Variants in NR2C2 observed in about 807,000 individuals in gnomAD.
The protein encoded by NR2C2 is nuclear receptor subfamily 2 group C member 2.
A neutral mutation model predicts 62.9 loss-of-function variants in NR2C2; 6 were observed. The ratio of observed to expected loss-of-function variants is 0.10; its 90% confidence interval spans 0.05 to 0.19. The LOEUF is 0.19. Ranked by LOEUF, NR2C2 falls within the 10% of genes least tolerant of loss-of-function variation. NR2C2 has a pLI of 1.00. For synonymous variants in NR2C2, 272 were observed against 273.8 expected, an observed-to-expected ratio of 0.99 and a Z score of 0.07; for missense variants, 479 against 762.7, an observed-to-expected ratio of 0.63 and a Z score of 4.38.
chr3:15,016,500 G>A (rs1211130541), intron 4 of NR2C2, among the ~76,000 whole-genome samples: 1 of 152,192 alleles, frequency 6.6e-6, no homozygotes, highest in Non-Finnish European at 1.5e-5. Context: ...TGAGTGTGTA[G>A]TATTTATGTG....
Position 15,047,829 on chromosome 3 carries a change from CTCCTT to C in NR2C2, c.*4824_*4828del, listed in dbSNP as rs2042509275. The C allele has an allele frequency of 6.6e-6, 1 of 152,202 alleles. No individual in the cohort carries two copies. The highest frequency in any genetic ancestry group is 1.5e-5 in the Non-Finnish European group (1 of 68,044). The allele number at this position is 152,202 out of a possible 1,614,324, so 9.4% of individuals were successfully genotyped here. A position where few individuals can be genotyped will look rare whatever the true frequency, so the allele number is the denominator to read the frequency against. On this transcript the variant is annotated 3_prime_UTR_variant, in exon 14 of 14. Transcript: ENST00000425241. ...ACTGTAAGCATGTAAATGACTTTAACTCCTTTCTATAAGTTATGATTTTAAATTTT... is the reference window on the plus strand; with the variant it reads ...ACTGTAAGCATGTAAATGACTTTAACTCTATAAGTTATGATTTTAAATTTT...
Position 15,003,829 on chromosome 3 carries a change from G to T in NR2C2, c.-39-47G>T, listed in dbSNP as rs2041089431. 3.1e-6 allele frequency: 4 copies of T among 1,286,222 alleles called. No homozygotes were observed. In the Admixed American group the frequency reaches 6.8e-5, roughly 22 times the overall value. 79.7% of individuals were successfully genotyped at this position (1,286,222 alleles called of 1,614,324 possible). On this transcript the variant is annotated intron_variant, in intron 1 of 13. Transcript: ENST00000425241. ...GGCGTGGTCTTCAGGCCACCTCTGG[G>T]CATCATTCTGAACCCCCTTGTGATC...
chr3:15,022,471 C>T (rs2041699460), intron 5 of NR2C2, among the ~76,000 whole-genome samples: 1 of 131,572 alleles, frequency 7.6e-6, no homozygotes, highest in Non-Finnish European at 1.5e-5. Context: ...GGTGCCGCGT[C>T]TTGGCTCACT....
intron 1 of NR2C2, among the ~76,000 whole-genome samples, chr3:14,963,901 A>G (rs776313172): frequency 3.9e-5 from 6 of 152,176 alleles, no homozygotes; most frequent in Admixed American, 1.3e-4. Context: ...AAATGCAACA[A>G]TGTAACTAGT....
chr3:14,994,049 A>C (rs1390767495), intron 1 of NR2C2, among the ~76,000 whole-genome samples: 1 of 152,198 alleles, frequency 6.6e-6, no homozygotes, highest in East Asian at 1.9e-4. Context: ...GGCACAGAGT[A>C]AGTGCTTACC....
chr3:14,973,397 TA>T (rs201377726), intron 1 of NR2C2, among the ~76,000 whole-genome samples: 22 of 150,208 alleles, frequency 1.5e-4, no homozygotes, highest in South Asian at 1.3e-3. Flanking sequence ...CAGGCTAATT[TA>T]AAAAAAAAAA....
At chr3:14,973,015 TG>T (rs1412628841) in intron 1 of NR2C2, among the ~76,000 whole-genome samples, 5 of 152,154 alleles carry the variant, frequency 3.3e-5, no homozygotes, top group Admixed American at 3.3e-4. Context: ...TGAGATTGGT[TG>T]GGGGAACAGA....
intron 1 of NR2C2, among the ~76,000 whole-genome samples, chr3:14,991,945 A>T (rs1468746360): frequency 4.6e-5 from 7 of 151,186 alleles, no homozygotes; most frequent in African/African-American, 1.5e-4. Flanking sequence ...AATGTTTTTA[A>T]TTTTTAGTAG....
chr3:14,959,931 T>A (rs1439601897), intron 1 of NR2C2, among the ~76,000 whole-genome samples: 1 of 152,166 alleles, frequency 6.6e-6, no homozygotes, highest in Non-Finnish European at 1.5e-5. Flanking sequence ...AAGGATAGAT[T>A]TTCCCCATAT....
At chr3:15,036,745 A>T (rs1334214899) in intron 11 of NR2C2, among the ~76,000 whole-genome samples, 2 of 152,218 alleles carry the variant, frequency 1.3e-5, no homozygotes, top group Non-Finnish European at 2.9e-5. Flanking sequence ...GGTGTTTGAT[A>T]TCTAGGAATG....
chr3:14,961,265 T>G (rs2039679933), intron 1 of NR2C2, among the ~76,000 whole-genome samples: 1 of 152,194 alleles, frequency 6.6e-6, no homozygotes, highest in African/African-American at 2.4e-5. Flanking sequence ...ATAAATAGAA[T>G]GATGTAGAAA....
chr3:14,963,774 A>T (rs545949671), intron 1 of NR2C2, among the ~76,000 whole-genome samples: 1 of 152,290 alleles, frequency 6.6e-6, no homozygotes, highest in South Asian at 2.1e-4. Context: ...GGGCAAAGAC[A>T]CAAATTTACG....
At chr3:14,984,935 C>T (rs78885167) in intron 1 of NR2C2, among the ~76,000 whole-genome samples, 1,788 of 152,100 alleles carry the variant, frequency 0.012, 38 homozygotes, top group African/African-American at 0.04. Flanking sequence ...TACATCCTTG[C>T]CAACTCTTAA....
At chr3:14,959,408 T>G (rs2039626218) in intron 1 of NR2C2, 1 of 152,254 alleles carries the variant, frequency 6.6e-6, no homozygotes, top group African/African-American at 2.4e-5. Context: ...AAATATTTTT[T>G]GAAACTACTT....
intron 4 of NR2C2, among the ~76,000 whole-genome samples, chr3:15,017,393 A>G (rs1426261807): frequency 6.6e-6 from 1 of 152,188 alleles, no homozygotes; most frequent in Non-Finnish European, 1.5e-5. Flanking sequence ...TTGCATACTC[A>G]TATAATTCAC....
At chr3:15,020,666 G>A in intron 4 of NR2C2, 87 bp from the exon 5 acceptor site, 3 of 1,482,884 alleles carry the variant, frequency 2.0e-6, no homozygotes, top group Non-Finnish European at 2.8e-6. Flanking sequence ...ACTTCAATGA[G>A]ACTTGCACAG....
chr3:14,996,504 G>A (rs1223906567), intron 1 of NR2C2, among the ~76,000 whole-genome samples: 1 of 152,210 alleles, frequency 6.6e-6, no homozygotes, highest in Admixed American at 6.5e-5. Flanking sequence ...GTGCCATAAA[G>A]TAGTAACAAT....
intron 1 of NR2C2, among the ~76,000 whole-genome samples, chr3:14,986,675 G>T (rs1459732508): frequency 6.6e-6 from 1 of 152,196 alleles, no homozygotes; most frequent in African/African-American, 2.4e-5. Context: ...ACCTTGGAAA[G>T]CATATCCTTT....
In NR2C2 at chr3:15,038,816, T is replaced by A. The variant is rs575736651; in HGVS notation, c.1511-306T>A. 3.9e-5 allele frequency: 10 copies of A among 254,832 alleles called. No homozygotes were observed. In the South Asian group the frequency reaches 1.2e-3, roughly 31 times the overall value. The allele number at this position is 254,832 out of a possible 1,614,324, so 15.8% of individuals were successfully genotyped here. The stretch of plus-strand genomic sequence containing the variant: ...AAGTAAATGACAATTTGTAATTTTA[T>A]GTGATAGTTTTTAAAACTATGTGTT... On this transcript the variant is annotated intron_variant, in intron 12 of 13. Coordinates refer to ENST00000425241, the MANE Select transcript of NR2C2 (RefSeq NM_001291694.2).
Sources: allele counts gnomAD v4.1 joint callset (sites outside exome capture counted in the v4.1 genomes callset), GRCh38; gene constraint gnomAD v4.1.1; transcripts MANE v1.5; gene names NCBI Gene and HGNC (gene_info 2026-07-23, HGNC 2026-07-21).